Variants in ASAP1 observed in about 807,000 individuals in gnomAD.
ASAP1 encodes arf-GAP with SH3 domain, ANK repeat and PH domain-containing protein 1.
A neutral mutation model predicts 145.2 loss-of-function variants in ASAP1; 43 were observed. The ratio of observed to expected loss-of-function variants is 0.30; its 90% CI spans 0.23 to 0.38. The LOEUF (loss-of-function observed/expected upper bound fraction) is 0.38, where lower values mean the gene tolerates loss of function less well. Ranked by LOEUF, ASAP1 falls within the 10% of genes least tolerant of loss-of-function variation. The pLI is 1.00. For missense variants in ASAP1, 1,018 were observed against 1,355.3 expected (o/e 0.75, Z 3.91); for synonymous variants, 546 against 515.5 (o/e 1.06, Z -0.80).
At chr8:130,264,477 C>G (rs1270964843) in intron 3 of ASAP1, among the ~76,000 whole-genome samples, 1 of 152,144 alleles carries the variant, frequency 6.6e-6, no homozygotes, top group Admixed American at 6.5e-5. Flanking sequence ...GCTTAGATAC[C>G]AATAGTGCTT....
chr8:130,331,183 G>C (rs550078805), intron 3 of ASAP1, among the ~76,000 whole-genome samples: 2 of 152,210 alleles, frequency 1.3e-5, no homozygotes, highest in African/African-American at 4.8e-5. Flanking sequence ...CAAAGTTAAG[G>C]AAAGGGGGCA....
intron 3 of ASAP1, among the ~76,000 whole-genome samples, chr8:130,305,724 G>A (rs570677633): frequency 5.9e-5 from 9 of 152,104 alleles, no homozygotes; most frequent in African/African-American, 2.2e-4. Flanking sequence ...TTTATAAATC[G>A]AGAAAACTAA....
intron 2 of ASAP1, among the ~76,000 whole-genome samples, chr8:130,374,558 G>A (rs1164111895): frequency 1.3e-5 from 2 of 152,216 alleles, no homozygotes; most frequent in Non-Finnish European, 2.9e-5. Context: ...TGGTCTAGGT[G>A]GCTATATTAT....
intron 5 of ASAP1, among the ~76,000 whole-genome samples, chr8:130,203,703 T>A (rs1246377881): frequency 6.6e-6 from 1 of 152,064 alleles, no homozygotes; most frequent in Non-Finnish European, 1.5e-5. Flanking sequence ...AAGAAGTGAA[T>A]GTGGGGCAGA....
At chr8:130,428,253 C>T (rs890693824) in intron 1 of ASAP1, among the ~76,000 whole-genome samples, 15 of 151,574 alleles carry the variant, frequency 9.9e-5, no homozygotes, top group African/African-American at 2.4e-4. Flanking sequence ...ATAATACCAA[C>T]GAAGTTCCCA....
At chr8:130,081,559 A>G (rs1487248349) in intron 25 of ASAP1, among the ~76,000 whole-genome samples, 1 of 147,218 alleles carries the variant, frequency 6.8e-6, no homozygotes, top group East Asian at 2.0e-4. Flanking sequence ...GAGGCTGAGC[A>G]CCAGGAGGGC....
At chr8:130,367,288 C>A (rs1249117415) in intron 2 of ASAP1, among the ~76,000 whole-genome samples, 1 of 152,088 alleles carries the variant, frequency 6.6e-6, no homozygotes, top group African/African-American at 2.4e-5. Context: ...GTTTTCAGCA[C>A]AAGTGATGGA....
chr8:130,331,601 AT>A (rs1371398974), intron 3 of ASAP1, among the ~76,000 whole-genome samples: 1 of 152,222 alleles, frequency 6.6e-6, no homozygotes, highest in African/African-American at 2.4e-5. Flanking sequence ...TTGTAAAAAA[AT>A]AGGACGTCCA....
intron 25 of ASAP1, among the ~76,000 whole-genome samples, chr8:130,080,479 T>TC (rs1491119075): frequency 1.9e-3 from 44 of 23,144 alleles, no homozygotes; most frequent in South Asian, 3.6e-3. Flanking sequence ...ATTCTCTCTC[T>TC]TTTTTTTTTT....
At chr8:130,072,816 T>TGTGTGTGTGTGTGTGTGTGTGCGC (rs2097450407) in intron 27 of ASAP1, among the ~76,000 whole-genome samples, 1 of 28,994 alleles carries the variant, frequency 3.4e-5, no homozygotes, top group East Asian at 1.3e-3. Flanking sequence ...TGTGTGTGTG[T>TGTGTGTGTGTGTGTGTGTGTGCGC]GTGTGTGTGC....
chr8:130,111,839 A>T (rs1300731754), intron 24 of ASAP1, among the ~76,000 whole-genome samples: 3 of 152,180 alleles, frequency 2.0e-5, no homozygotes, highest in African/African-American at 7.2e-5. Flanking sequence ...AATGGGCACA[A>T]AAGCACATAC....
chr8:130,336,199 G>T (rs1203364867), intron 3 of ASAP1, among the ~76,000 whole-genome samples: 1 of 152,158 alleles, frequency 6.6e-6, no homozygotes, highest in African/African-American at 2.4e-5. Flanking sequence ...ATCAACTCAA[G>T]GCAATGATTC....
chr8:130,358,436 A>G lies in ASAP1; in HGVS notation c.60-293T>C, dbSNP rs2138151501. ...TCCCTCTGCTCATGCCGGCGGCGGC[A>G]GCTCCTCAGCGGCGGGGGAGGGGAC... On this transcript the variant is annotated intron_variant, in intron 2 of 29. Coordinates refer to ENST00000518721, the MANE Select transcript of ASAP1 (RefSeq NM_018482.4). This position sits in a 1 kb window ranked among gnomAD's most constrained non-coding sequence, Gnocchi z 4.1. 6.7e-6 allele frequency among the ~76,000 whole-genome samples: 1 copy of G among 148,338 alleles called. No individual in the cohort carries two copies. Among genetic ancestry groups the G allele is most frequent in the East Asian group, 2.0e-4 (1 of 5,114 alleles).
At chr8:130,260,954 T>C (rs1270435160) in intron 3 of ASAP1, among the ~76,000 whole-genome samples, 1 of 152,148 alleles carries the variant, frequency 6.6e-6, no homozygotes, top group East Asian at 1.9e-4. Context: ...TTCCAGGAAA[T>C]TTCAAAGTCT....
At chr8:130,399,058 A>G (rs10099586) in intron 2 of ASAP1, among the ~76,000 whole-genome samples, 49,185 of 152,070 alleles carry the variant, frequency 0.32, 8,755 homozygotes, top group African/African-American at 0.46. Context: ...ATAAGTAGGA[A>G]CAGGAGGTGC....
chr8:130,136,923 C>A, intron 14 of ASAP1, 28 bp downstream of exon 14: 1 of 1,598,254 alleles, frequency 6.3e-7, no homozygotes, highest in Non-Finnish European at 8.6e-7. Context: ...GCCACAATAA[C>A]CAACTCAGAG....
chr8:130,238,805 T>C (rs970952005), intron 3 of ASAP1, among the ~76,000 whole-genome samples: 4 of 152,048 alleles, frequency 2.6e-5, no homozygotes, highest in African/African-American at 9.7e-5. Context: ...TAATGTCACA[T>C]TCTACACTTA....
At chr8:130,279,033 T>C (rs573838513) in intron 3 of ASAP1, among the ~76,000 whole-genome samples, 1 of 152,188 alleles carries the variant, frequency 6.6e-6, no homozygotes, top group Non-Finnish European at 1.5e-5. Flanking sequence ...TTGAAAGTGA[T>C]ACCCTAATAA....
intron 3 of ASAP1, among the ~76,000 whole-genome samples, chr8:130,266,367 T>C (rs1445241600): frequency 6.6e-6 from 1 of 152,134 alleles, no homozygotes; most frequent in African/African-American, 2.4e-5. Flanking sequence ...GGGAATCATA[T>C]CAGTGACTTA....
Sources: allele counts gnomAD v4.1 joint callset (sites outside exome capture counted in the v4.1 genomes callset), GRCh38; gene constraint gnomAD v4.1.1; non-coding constraint Gnocchi (gnomAD v3.1); transcripts MANE v1.5; gene names NCBI Gene and HGNC (gene_info 2026-07-23, HGNC 2026-07-21).